IGF1: variants seen among roughly 807,000 people sequenced by gnomAD.
The protein encoded by IGF1 is insulin-like growth factor 1.
IGF1 carries 4 observed loss-of-function variants against 13.8 expected under a neutral mutation model. The ratio of observed to expected loss-of-function variants is 0.29; its 90% CI spans 0.14 to 0.66. IGF1 has a LOEUF of 0.66. Among genes scored for constraint, IGF1 ranks in the 30% least tolerant of loss-of-function variants. The probability of loss-of-function intolerance (pLI) is 0.78; values close to 1 mark genes in which losing one functional copy is unlikely to be tolerated. For synonymous variants in IGF1, 76 were observed against 72.6 expected (o/e 1.05, Z -0.23); for missense variants, 124 against 188.5 (o/e 0.66, Z 2.00).
At chr12:102,405,522 G>A (rs1874082689) in intron 3 of IGF1, among the ~76,000 whole-genome samples, 1 of 152,138 alleles carries the variant, frequency 6.6e-6, no homozygotes, top group African/African-American at 2.4e-5. Context: ...TTGATGGTCT[G>A]TAGCTGATCA....
At chr12:102,458,146 C>T (rs1031940233) in intron 2 of IGF1, among the ~76,000 whole-genome samples, 36 of 152,278 alleles carry the variant, frequency 2.4e-4, no homozygotes, top group African/African-American at 7.2e-4. Context: ...AACAGGAATG[C>T]GAGCCCCTTT....
chr12:102,439,302 A>G (rs889332990), intron 2 of IGF1, among the ~76,000 whole-genome samples: 1 of 152,214 alleles, frequency 6.6e-6, no homozygotes, highest in Admixed American at 6.5e-5. Flanking sequence ...GGATTGATAC[A>G]AAATTGAGTT....
intron 2 of IGF1, among the ~76,000 whole-genome samples, chr12:102,425,417 A>G (rs973631890): frequency 6.6e-6 from 1 of 152,166 alleles, no homozygotes; most frequent in Non-Finnish European, 1.5e-5. Context: ...TCTAGGAATT[A>G]TGGCCCTCTA....
chr12:102,478,859 A>G (rs1320617371), intron 1 of IGF1, among the ~76,000 whole-genome samples: 2 of 152,202 alleles, frequency 1.3e-5, no homozygotes, highest in Non-Finnish European at 2.9e-5. Context: ...TGAGAGTCAG[A>G]GTACAATCAG....
intron 2 of IGF1, among the ~76,000 whole-genome samples, chr12:102,450,308 G>T (rs1446305762): frequency 2.6e-5 from 4 of 152,244 alleles, no homozygotes; most frequent in Non-Finnish European, 5.9e-5. Flanking sequence ...AAGAGTAAGA[G>T]AGTAGCATAA....
chr12:102,442,137 C>G (rs1034337765), intron 2 of IGF1, among the ~76,000 whole-genome samples: 1 of 150,468 alleles, frequency 6.6e-6, no homozygotes, highest in Non-Finnish European at 1.5e-5. Context: ...TTTGTAGAGA[C>G]AGGGTCTCAC....
chr12:102,464,493 A>G (rs1366755783), intron 2 of IGF1, among the ~76,000 whole-genome samples: 1 of 148,946 alleles, frequency 6.7e-6, no homozygotes, highest in Non-Finnish European at 1.5e-5. Flanking sequence ...AGGGGGGAAA[A>G]CCCTTAAAAC....
chr12:102,418,075 A>G, intron 3 of IGF1: 1 of 1,509,112 alleles, frequency 6.6e-7, no homozygotes, highest in Admixed American at 2.0e-5. Flanking sequence ...TGAGCTCAGA[A>G]TGCCCAGGCT....
chr12:102,458,286 C>CA (rs1487994451), intron 2 of IGF1, among the ~76,000 whole-genome samples: 1 of 152,156 alleles, frequency 6.6e-6, no homozygotes, highest in Non-Finnish European at 1.5e-5. Flanking sequence ...GCCCAGCCCC[C>CA]AGGAATAGAC....
intron 2 of IGF1, among the ~76,000 whole-genome samples, chr12:102,452,144 C>A (rs921574448): frequency 3.3e-5 from 5 of 151,180 alleles, no homozygotes; most frequent in African/African-American, 9.7e-5. Context: ...CGCCTGTAGT[C>A]CCAGCTACTC....
intron 2 of IGF1, among the ~76,000 whole-genome samples, chr12:102,473,166 T>G (rs1480719479): frequency 6.6e-6 from 1 of 152,192 alleles, no homozygotes; most frequent in Non-Finnish European, 1.5e-5. Flanking sequence ...AAGAAGCCCA[T>G]TGACAGGGTA....
At chr12:102,446,552 G>T (rs1440683696) in intron 2 of IGF1, among the ~76,000 whole-genome samples, 1 of 152,158 alleles carries the variant, frequency 6.6e-6, no homozygotes, top group Non-Finnish European at 1.5e-5. Flanking sequence ...TTGTATTTCT[G>T]TGGGATCGGT....
intron 2 of IGF1, 104 bp downstream of exon 2, chr12:102,475,539 G>A (rs1880962447): frequency 1.5e-6 from 2 of 1,315,786 alleles, no homozygotes; most frequent in Non-Finnish European, 2.2e-6. Flanking sequence ...ATGGCTGCCA[G>A]ATACGGGCAC....
intron 2 of IGF1, 105 bp downstream of exon 2, chr12:102,475,538 A>C: frequency 7.7e-7 from 1 of 1,297,674 alleles, no homozygotes; most frequent in Non-Finnish European, 1.1e-6. Flanking sequence ...GATGGCTGCC[A>C]GATACGGGCA....
Position 102,395,906 on chromosome 12 carries a change from C to G in IGF1, c.*6601G>C, listed in dbSNP as rs1873139836. 1 of 152,002 alleles carries G rather than the reference C, an allele frequency of 6.6e-6. No homozygotes were observed. The allele number at this position is 152,002 out of a possible 1,614,324, so 9.4% of individuals were successfully genotyped here. ...AACATGACTAATTTTAATGTAATTA[C>G]TAAAGAAAGATATACCATTTTATTA... On this transcript the variant is annotated 3_prime_UTR_variant, in exon 4 of 4. Coordinates refer to ENST00000337514, the MANE Select transcript of IGF1 (RefSeq NM_000618.5).
chr12:102,476,660 C>A (rs983267693), intron 1 of IGF1, among the ~76,000 whole-genome samples: 8 of 152,100 alleles, frequency 5.3e-5, no homozygotes, highest in African/African-American at 9.7e-5. Flanking sequence ...TGGCAAAAAT[C>A]TTTTATTTTA....
At chr12:102,404,957 C>T (rs1439400040) in intron 3 of IGF1, among the ~76,000 whole-genome samples, 1 of 152,002 alleles carries the variant, frequency 6.6e-6, no homozygotes, top group African/African-American at 2.4e-5. Flanking sequence ...TGGGGTTTCA[C>T]CATATTGGCC....
intron 1 of IGF1, among the ~76,000 whole-genome samples, chr12:102,477,094 G>A (rs566195267): frequency 1.2e-4 from 18 of 152,128 alleles, no homozygotes; most frequent in African/African-American, 4.3e-4. Flanking sequence ...GAACCTCAGA[G>A]TAGTGGCAGG....
In IGF1 at chr12:102,400,618, C is replaced by CT. The variant is rs1173301614; in HGVS notation, c.*1888dup. The CT allele has an allele frequency of 2.0e-5, 3 of 152,056 alleles. No individual in the cohort carries two copies. Among genetic ancestry groups the CT allele is most frequent in the Non-Finnish European group, 4.4e-5 (3 of 67,994 alleles). 9.4% of individuals were successfully genotyped at this position (152,056 alleles called of 1,614,324 possible). On this transcript the variant is annotated 3_prime_UTR_variant, in exon 4 of 4. Coordinates refer to ENST00000337514, the MANE Select transcript of IGF1 (RefSeq NM_000618.5). ...TTTGTTAAAGAAGATAACTTTGTGA[C>CT]TTTTTATTAGATATTATTTTAATAT...
Sources: gnomAD v4.1 joint callset for allele counts (sites outside exome capture counted in the v4.1 genomes callset) on GRCh38, gnomAD v4.1.1 for gene constraint, MANE v1.5 for transcripts, NCBI Gene and HGNC (gene_info 2026-07-23, HGNC 2026-07-21) for gene names.